The following ALLC variants were observed in gnomAD, a reference collection of about 807,000 sequenced individuals.
The protein encoded by ALLC is allantoicase, also known as probable inactive allantoicase.
A neutral mutation model predicts 45.0 loss-of-function variants in ALLC; 40 were observed. The observed-to-expected ratio is 0.89, with a 90% CI of 0.69 to 1.16. ALLC has a LOEUF of 1.16. Among genes scored for constraint, ALLC ranks in the 50% most tolerant of loss-of-function variants. The pLI is 0.00. For missense variants in ALLC, 488 were observed against 493.1 expected, an observed-to-expected ratio of 0.99 and a Z score of 0.10; for synonymous variants, 176 against 178.1, an observed-to-expected ratio of 0.99 and a Z score of 0.09.
chr2:3,671,499 CG>C (rs1198893321), intron 2 of ALLC, among the ~76,000 whole-genome samples: 5 of 151,398 alleles, frequency 3.3e-5, no homozygotes, highest in Admixed American at 6.6e-5. Flanking sequence ...GGAGTTAAAT[CG>C]GAGGTCCTCT....
chr2:3,651,441 G>GCA, the ALLC span, among the ~76,000 whole-genome samples: 8 of 58,862 alleles, frequency 1.4e-4, 2 homozygotes, highest in South Asian at 7.4e-4. Context: ...GTGTGTGTGT[G>GCA]TTAGGAAGGG....
chr2:3,655,083 C>T (rs35668314), upstream of ALLC, among the ~76,000 whole-genome samples: 22,843 of 152,272 alleles, frequency 0.15, 1,900 homozygotes, highest in Middle Eastern at 0.19. Context: ...CGTGCACTCC[C>T]CAGGTCACTG....
At chr2:3,647,260 C>T in the ALLC span, among the ~76,000 whole-genome samples, 1 of 152,120 alleles carries the variant, frequency 6.6e-6, no homozygotes, top group South Asian at 2.1e-4. Context: ...CAACTTTGCT[C>T]TAGTTGAGGG....
intron 9 of ALLC, 21 bp downstream of exon 9, chr2:3,696,369 A>C (rs760212461): frequency 6.3e-7 from 1 of 1,592,248 alleles, no homozygotes; most frequent in Non-Finnish European, 8.6e-7. Context: ...AAAAATAACT[A>C]TGGTTTAAAG....
chr2:3,657,837 TCTCTAGTAGGTCAGGACCCACTG>T (rs1462259249), upstream of ALLC, among the ~76,000 whole-genome samples: 7 of 152,276 alleles, frequency 4.6e-5, 1 homozygote, highest in African/African-American at 7.2e-5. Flanking sequence ...GCCCCTGTCT[TCTCTAGTAGGTCAGGACCCACTG>T]CTGGGTGTGC....
In ALLC at chr2:3,700,773, C is replaced by T. The variant is rs868631095; in HGVS notation, c.851-739C>T. On this transcript the variant is annotated intron_variant, in intron 10 of 11. Transcript: ENST00000252505. ...GTATGCACCCCAGGGGCATGTTCGCCCACCCTGGAGACTACCGTTTTAAGA... is the reference window on the plus strand; with the variant it reads ...GTATGCACCCCAGGGGCATGTTCGCTCACCCTGGAGACTACCGTTTTAAGA... 8.7e-4 allele frequency among the ~76,000 whole-genome samples: 132 copies of T among 152,160 alleles called. 4 individuals carry two copies. Among genetic ancestry groups the T allele is most frequent in the Admixed American group, 5.9e-4 (9 of 15,282 alleles).
chr2:3,667,886 TC>T (rs1666768112), intron 1 of ALLC, among the ~76,000 whole-genome samples: 1 of 152,220 alleles, frequency 6.6e-6, no homozygotes, highest in Non-Finnish European at 1.5e-5. Flanking sequence ...TGCCTCAGCC[TC>T]CCGAGTAGCT....
intron 3 of ALLC, among the ~76,000 whole-genome samples, chr2:3,677,694 C>G (rs1322017723): frequency 6.6e-6 from 1 of 152,210 alleles, no homozygotes; most frequent in African/African-American, 2.4e-5. Flanking sequence ...CATGCATCAG[C>G]TTCCATCAGA....
chr2:3,657,000 G>A (rs527245856), upstream of ALLC, among the ~76,000 whole-genome samples: 1 of 152,340 alleles, frequency 6.6e-6, no homozygotes, highest in East Asian at 1.9e-4. Context: ...CTGCTGTGGC[G>A]GGGAAGTCAC....
chr2:3,647,181 G>A, the ALLC span, among the ~76,000 whole-genome samples: 1 of 152,160 alleles, frequency 6.6e-6, no homozygotes, highest in African/African-American at 2.4e-5. Context: ...CCATGTGAAT[G>A]TAATTGGTAA....
At chr2:3,665,129 G>A (rs999508683) in intron 1 of ALLC, among the ~76,000 whole-genome samples, 15 of 152,226 alleles carry the variant, frequency 9.9e-5, no homozygotes, top group East Asian at 1.9e-4. Flanking sequence ...GGTGCCTGTC[G>A]CAGCGAGACG....
upstream of ALLC, among the ~76,000 whole-genome samples, chr2:3,657,872 C>T (rs1362386373): frequency 6.6e-6 from 1 of 152,142 alleles, no homozygotes; most frequent in East Asian, 1.9e-4. Context: ...TGGGTGTGCT[C>T]AGTGTTTTCT....
chr2:3,665,345 T>C, intron 1 of ALLC, among the ~76,000 whole-genome samples: 1 of 152,196 alleles, frequency 6.6e-6, no homozygotes, highest in Admixed American at 6.5e-5. Flanking sequence ...GGGATACATG[T>C]GCGGATGTGC....
intron 7 of ALLC, chr2:3,695,466 T>G: frequency 6.9e-6 from 3 of 435,922 alleles, no homozygotes; most frequent in African/African-American, 2.0e-5. Context: ...AGGGAAGACT[T>G]TTCTGAGGCC....
chr2:3,646,504 T>A, the ALLC span, among the ~76,000 whole-genome samples: 1 of 152,180 alleles, frequency 6.6e-6, no homozygotes, highest in Non-Finnish European at 1.5e-5. Context: ...GCAAACAAGT[T>A]TATTCCGGAC....
chr2:3,647,924 G>A, the ALLC span, among the ~76,000 whole-genome samples: 2,453 of 152,318 alleles, frequency 0.016, 60 homozygotes, highest in East Asian at 0.079. Flanking sequence ...AGACCTGGAG[G>A]TTGAATGGCT....
At chr2:3,646,917 G>A in the ALLC span, among the ~76,000 whole-genome samples, 1 of 148,040 alleles carries the variant, frequency 6.8e-6, no homozygotes, top group Non-Finnish European at 1.5e-5. Flanking sequence ...GTGTTGGGGG[G>A]CCAGGCTGTG....
chr2:3,701,525 C>G lies in ALLC; in HGVS notation c.864C>G (p.Asp288Glu), dbSNP rs192504736. Residue 288 changes from aspartate (D) to glutamate (E), a missense_variant, in exon 11 of 12, where the codon GAC becomes GAG. Physicochemically the swap from Asp to Glu is conservative, Grantham distance 45. Transcript: ENST00000252505. ...DTKYFEGNAP[D>E]SCKVDGCILT... The stretch of plus-strand genomic sequence containing the variant: ...TTGCTCCAACAGGCAATGCTCCTGA[C>G]AGCTGTAAAGTGGATGGGTGCATCC... The G allele has an allele frequency of 2.5e-6, 4 of 1,595,500 alleles. No homozygotes were observed. The highest frequency in any genetic ancestry group is 2.6e-6 in the Non-Finnish European group (3 of 1,170,484).
chr2:3,697,374 T>C lies in ALLC; in HGVS notation c.768T>C (p.Val256=), dbSNP rs775113250. The change falls in exon 10 of 12, where the codon GTT becomes GTC. Residue 256 remains valine (V), a synonymous_variant. Transcript: ENST00000252505. ...LENDENGILL[V]PGCEWAVFRL... Reference sequence around the variant, plus strand: ...ATGATGAGAATGGCATTCTCTTGGTTCCGGGTTGTGAATGGGCAGTTTTCC... The same window carrying C: ...ATGATGAGAATGGCATTCTCTTGGTCCCGGGTTGTGAATGGGCAGTTTTCC... 3 of 1,613,956 alleles carry C rather than the reference T, an allele frequency of 1.9e-6. No individual in the cohort carries two copies. The highest frequency in any genetic ancestry group is 2.5e-6 in the Non-Finnish European group (3 of 1,179,864).
Sources: gnomAD v4.1 joint callset for allele counts (sites outside exome capture counted in the v4.1 genomes callset) on GRCh38, gnomAD v4.1.1 for gene constraint, MANE v1.5 for transcripts, NCBI Gene and HGNC (gene_info 2026-07-23, HGNC 2026-07-21) for gene names.